The following SLC24A2 variants were observed in gnomAD, a reference collection of about 807,000 sequenced individuals.
The protein encoded by SLC24A2 is solute carrier family 24 member 2, also known as sodium/potassium/calcium exchanger 2.
A neutral mutation model predicts 62.0 loss-of-function variants in SLC24A2; 36 were observed. That is an observed-to-expected ratio of 0.58 (90% CI 0.44 to 0.77). The LOEUF is 0.77. SLC24A2 is among the 30% of genes least tolerant of loss of function. SLC24A2 has a pLI of 0.00. For missense variants in SLC24A2, 846 were observed against 817.9 expected (o/e 1.03, Z -0.42); for synonymous variants, 358 against 294.0 (o/e 1.22, Z -2.23).
At chr9:20,073,186 G>A in the SLC24A2 span, among the ~76,000 whole-genome samples, 1 of 152,148 alleles carries the variant, frequency 6.6e-6, no homozygotes, top group African/African-American at 2.4e-5. Context: ...GTCTGGGGCT[G>A]GAGTATCATC....
the SLC24A2 span, among the ~76,000 whole-genome samples, chr9:19,838,372 A>G: frequency 6.6e-6 from 1 of 152,124 alleles, no homozygotes; most frequent in South Asian, 2.1e-4. Context: ...CCATATGGAG[A>G]AAGCTGAAAC....
the SLC24A2 span, among the ~76,000 whole-genome samples, chr9:19,826,702 C>T: frequency 2.0e-5 from 3 of 152,194 alleles, no homozygotes; most frequent in Non-Finnish European, 2.9e-5. Flanking sequence ...GCATTAATCT[C>T]ATCCATAAGG....
At chr9:19,962,203 G>A in the SLC24A2 span, among the ~76,000 whole-genome samples, 1 of 152,124 alleles carries the variant, frequency 6.6e-6, no homozygotes, top group East Asian at 1.9e-4. Flanking sequence ...GAGTTGCTCT[G>A]TTCTGTTCCA....
At chr9:19,658,244 G>T (rs1818996838) in intron 2 of SLC24A2, among the ~76,000 whole-genome samples, 1 of 149,020 alleles carries the variant, frequency 6.7e-6, no homozygotes, top group Non-Finnish European at 1.5e-5. Context: ...ATTCACAAAG[G>T]TGATATCTCT....
At chr9:19,725,463 C>G (rs2208548) in intron 2 of SLC24A2, among the ~76,000 whole-genome samples, 24,876 of 152,054 alleles carry the variant, frequency 0.16, 2,208 homozygotes, top group Middle Eastern at 0.21. Flanking sequence ...CTTAGGATGA[C>G]ATGCATACAA....
chr9:19,828,421 C>A, the SLC24A2 span, among the ~76,000 whole-genome samples: 1 of 151,884 alleles, frequency 6.6e-6, no homozygotes, highest in African/African-American at 2.4e-5. Context: ...TATTTATTAC[C>A]CATACAACTA....
chr9:20,041,695 T>C, the SLC24A2 span, among the ~76,000 whole-genome samples: 1 of 152,236 alleles, frequency 6.6e-6, no homozygotes, highest in Non-Finnish European at 1.5e-5. Context: ...GGAGGTCTGC[T>C]CAATTCAGCC....
At chr9:19,938,322 C>T in the SLC24A2 span, among the ~76,000 whole-genome samples, 22 of 152,148 alleles carry the variant, frequency 1.4e-4, no homozygotes, top group Admixed American at 3.9e-4. Context: ...TATACTATTT[C>T]CCAAAAGAAA....
chr9:20,214,516 G>A, the SLC24A2 span, among the ~76,000 whole-genome samples: 1 of 152,056 alleles, frequency 6.6e-6, no homozygotes, highest in Non-Finnish European at 1.5e-5. Flanking sequence ...TCGGGAGGCT[G>A]AGGCAGGAGA....
the SLC24A2 span, among the ~76,000 whole-genome samples, chr9:20,002,681 T>G: frequency 6.6e-6 from 1 of 152,196 alleles, no homozygotes; most frequent in Non-Finnish European, 1.5e-5. Flanking sequence ...TCCAGACTGG[T>G]GCACTCACAG....
chr9:20,089,195 G>C, the SLC24A2 span, among the ~76,000 whole-genome samples: 1 of 152,152 alleles, frequency 6.6e-6, no homozygotes, highest in Non-Finnish European at 1.5e-5. Context: ...GCAGGGACCA[G>C]AAACTGGTCT....
At chr9:20,228,473 T>A in the SLC24A2 span, among the ~76,000 whole-genome samples, 3 of 151,824 alleles carry the variant, frequency 2.0e-5, no homozygotes, top group African/African-American at 4.8e-5. Context: ...CCAAATTGTC[T>A]TTTAAAAAAA....
chr9:19,566,572 G>T (rs1434010305), intron 7 of SLC24A2, among the ~76,000 whole-genome samples: 1 of 152,084 alleles, frequency 6.6e-6, no homozygotes, highest in African/African-American at 2.4e-5. Flanking sequence ...CAAGGATCTA[G>T]AACTAGAAAT....
the SLC24A2 span, among the ~76,000 whole-genome samples, chr9:20,242,923 G>C: frequency 1.3e-5 from 2 of 152,094 alleles, no homozygotes; most frequent in Non-Finnish European, 2.9e-5. Context: ...AAAAACTGGG[G>C]GGATGGGTGG....
intron 6 of SLC24A2, among the ~76,000 whole-genome samples, chr9:19,575,149 G>A (rs560344217): frequency 1.3e-5 from 2 of 152,192 alleles, no homozygotes; most frequent in Non-Finnish European, 2.9e-5. Flanking sequence ...ATTTAAATAC[G>A]GAAAACCATA....
chr9:20,057,742 G>A, the SLC24A2 span, among the ~76,000 whole-genome samples: 1 of 152,120 alleles, frequency 6.6e-6, no homozygotes, highest in East Asian at 1.9e-4. Context: ...CATTTCATTT[G>A]TTTAGTACAT....
chr9:19,994,097 G>A, the SLC24A2 span, among the ~76,000 whole-genome samples: 2 of 152,176 alleles, frequency 1.3e-5, no homozygotes, highest in Non-Finnish European at 2.9e-5. Flanking sequence ...TGATCTGCCT[G>A]GCTCCAGGTG....
intron 7 of SLC24A2, among the ~76,000 whole-genome samples, chr9:19,563,482 G>C (rs1292378309): frequency 6.6e-6 from 1 of 152,076 alleles, no homozygotes; most frequent in African/African-American, 2.4e-5. Flanking sequence ...GCTTACTAAG[G>C]ATAATATTTT....
intron 2 of SLC24A2, among the ~76,000 whole-genome samples, chr9:19,755,244 T>A (rs1822105296): frequency 6.6e-6 from 1 of 152,136 alleles, no homozygotes. Context: ...AAGTACTTGG[T>A]CCCTAGTAGG....
Sources: gnomAD v4.1 joint callset for allele counts (sites outside exome capture counted in the v4.1 genomes callset) on GRCh38, gnomAD v4.1.1 for gene constraint, MANE v1.5 for transcripts, NCBI Gene and HGNC (gene_info 2026-07-23, HGNC 2026-07-21) for gene names.